Variants in PTPRG observed in about 807,000 individuals in gnomAD.
PTPRG encodes the protein receptor-type tyrosine-protein phosphatase gamma.
In PTPRG, 102 loss-of-function variants were observed where a neutral mutation model predicts 165.3. The ratio of observed to expected loss-of-function variants is 0.62; its 90% CI spans 0.53 to 0.73. PTPRG has a LOEUF of 0.73. PTPRG is among the 30% of genes least tolerant of loss of function. The pLI, the probability that PTPRG is intolerant of heterozygous loss-of-function variation, is 0.00. For missense variants in PTPRG, 1,866 were observed against 1,861.4 expected (o/e 1.00, Z -0.05); for synonymous variants, 675 against 669.5 (o/e 1.01, Z -0.13).
chr3:62,273,370 C>T lies in PTPRG; in HGVS notation c.3318+289C>T, dbSNP rs1401960895. On this transcript the variant is annotated intron_variant, in intron 22 of 29. Transcript: ENST00000474889. This position sits in a 1 kb window ranked among gnomAD's most constrained non-coding sequence, Gnocchi z 4.1. ...GGGGGAGTTAAACATGTTGTCTGGC[C>T]TGAGAAATACATAGGAGAGGATGGT... is the stretch of plus-strand genomic sequence containing the variant. 6.6e-6 allele frequency among the ~76,000 whole-genome samples: 1 copy of T among 152,124 alleles called. No homozygotes were observed. Among genetic ancestry groups the T allele is most frequent in the African/African-American group, 2.4e-5 (1 of 41,426 alleles).
intron 5 of PTPRG, among the ~76,000 whole-genome samples, chr3:62,119,053 C>G (rs2106882744): frequency 6.6e-6 from 1 of 152,294 alleles, no homozygotes; most frequent in Non-Finnish European, 1.5e-5. Flanking sequence ...ACGAAACAAA[C>G]TAAATAAAGT....
chr3:61,684,266 C>T (rs1335129490), intron 1 of PTPRG, among the ~76,000 whole-genome samples: 2 of 152,176 alleles, frequency 1.3e-5, no homozygotes, highest in Non-Finnish European at 2.9e-5. Context: ...TTTGTTTCCA[C>T]ATCAGTATGC....
chr3:62,063,162 A>G (rs1283001243), intron 4 of PTPRG, among the ~76,000 whole-genome samples: 1 of 152,228 alleles, frequency 6.6e-6, no homozygotes, highest in Non-Finnish European at 1.5e-5. Flanking sequence ...GCAGAGCTTG[A>G]ACTTGAACTT....
At chr3:61,756,995 G>C (rs2033655467) in intron 2 of PTPRG, among the ~76,000 whole-genome samples, 1 of 152,148 alleles carries the variant, frequency 6.6e-6, no homozygotes, top group African/African-American at 2.4e-5. Flanking sequence ...TTCTCTTTCT[G>C]AAACACGTGT....
intron 2 of PTPRG, among the ~76,000 whole-genome samples, chr3:61,842,796 A>G (rs1024956869): frequency 6.6e-6 from 1 of 152,172 alleles, no homozygotes; most frequent in Admixed American, 6.5e-5. Flanking sequence ...GGGATGGCAG[A>G]GCTACAAGAC....
chr3:61,997,501 T>C lies in PTPRG; in HGVS notation c.371-5848T>C, dbSNP rs1050455746. 1.6e-4 allele frequency among the ~76,000 whole-genome samples: 24 copies of C among 152,158 alleles called. 1 individual carries two copies. The highest frequency in any genetic ancestry group is 2.4e-4 in the Non-Finnish European group (16 of 68,030). On this transcript the variant is annotated intron_variant, in intron 3 of 29. Coordinates refer to ENST00000474889, the MANE Select transcript of PTPRG (RefSeq NM_002841.4). ...CACTACCACAGGGCCATTGATTCTT[T>C]CTTGATGTTCTCCCATCTTGTTGGC...
intron 2 of PTPRG, among the ~76,000 whole-genome samples, chr3:61,972,826 A>T (rs2040415045): frequency 6.9e-6 from 1 of 144,560 alleles, no homozygotes. Context: ...CTAATTTTTA[A>T]TTTTTTTTTT....
chr3:61,682,403 A>C (rs538767321), intron 1 of PTPRG, among the ~76,000 whole-genome samples: 1 of 152,226 alleles, frequency 6.6e-6, no homozygotes, highest in East Asian at 1.9e-4. Flanking sequence ...AGAGACTTAT[A>C]TAGCAGATGC....
chr3:62,251,947 G>C (rs764763825), intron 15 of PTPRG, among the ~76,000 whole-genome samples: 36 of 152,170 alleles, frequency 2.4e-4, no homozygotes, highest in Non-Finnish European at 5.1e-4. Context: ...ATTTAGCACA[G>C]TCCCTGGTAA....
At chr3:62,010,775 G>T (rs866950630) in intron 4 of PTPRG, among the ~76,000 whole-genome samples, 10 of 152,114 alleles carry the variant, frequency 6.6e-5, no homozygotes, top group South Asian at 4.1e-4. Flanking sequence ...TCATCAGAGG[G>T]GGTCTGAGAT....
At chr3:61,919,935 C>T (rs1366745978) in intron 2 of PTPRG, among the ~76,000 whole-genome samples, 1 of 152,148 alleles carries the variant, frequency 6.6e-6, no homozygotes, top group Non-Finnish European at 1.5e-5. Flanking sequence ...TCTTCTAATC[C>T]TATTGGTTAC....
intron 5 of PTPRG, among the ~76,000 whole-genome samples, chr3:62,092,982 G>A (rs919501743): frequency 2.6e-5 from 4 of 152,182 alleles, no homozygotes; most frequent in Non-Finnish European, 4.4e-5. Context: ...AGTGGGCCGA[G>A]AAAGTGTAAA....
At chr3:61,592,649 C>CTTTTT (rs373986933) in intron 1 of PTPRG, among the ~76,000 whole-genome samples, 1 of 132,874 alleles carries the variant, frequency 7.5e-6, no homozygotes, top group African/African-American at 3.2e-5. Flanking sequence ...TTCTTTCTTT[C>CTTTTT]TTTTTTTTTT....
intron 2 of PTPRG, chr3:61,749,354 T>C (rs1246444796): frequency 5.6e-6 from 2 of 355,176 alleles, no homozygotes; most frequent in Non-Finnish European, 1.1e-5. Flanking sequence ...AAATGTCTGC[T>C]AAACATTACA....
Position 62,003,470 on chromosome 3 carries a change from C to A in PTPRG, c.492C>A (p.Ser164Arg), listed in dbSNP as rs761849753. The change falls in exon 4 of 30, where the codon AGC (serine) becomes AGA (arginine). Residue 164 changes from serine (S) to arginine (R), a missense_variant. Ser to Arg is a moderately radical substitution (Grantham distance 110). Transcript: ENST00000474889. ...HSNGSAGSEH[S>R]INGRRFPVEM... is the part of the protein sequence containing the mutation. ...ATGGCTCAGCGGGCTCTGAACACAG[C>A]ATCAATGGCAGGAGGTTTCCTGTTG... 6.2e-7 allele frequency: 1 copy of A among 1,613,990 alleles called. No homozygotes were observed. Among genetic ancestry groups the A allele is most frequent in the Non-Finnish European group, 8.5e-7 (1 of 1,179,930 alleles).
chr3:62,140,452 T>G (rs1156449797), intron 6 of PTPRG, among the ~76,000 whole-genome samples: 1 of 152,178 alleles, frequency 6.6e-6, no homozygotes, highest in East Asian at 1.9e-4. Context: ...TATATAGATT[T>G]ACACAAAAGC....
chr3:61,913,991 A>G (rs2038869307), intron 2 of PTPRG, among the ~76,000 whole-genome samples: 1 of 152,168 alleles, frequency 6.6e-6, no homozygotes, highest in Non-Finnish European at 1.5e-5. Context: ...TCAGTGTTAT[A>G]ACAAAAGGAA....
At chr3:62,141,715 T>C (rs59177498) in intron 6 of PTPRG, among the ~76,000 whole-genome samples, 14,705 of 150,554 alleles carry the variant, frequency 0.098, 956 homozygotes, top group East Asian at 0.36. Context: ...GCCTGGCTAA[T>C]GTGGCAAAAC....
chr3:62,175,256 AT>A (rs953818212), intron 8 of PTPRG, among the ~76,000 whole-genome samples: 4 of 152,192 alleles, frequency 2.6e-5, no homozygotes, highest in African/African-American at 9.7e-5. Flanking sequence ...TATGTCAGAC[AT>A]TTTTTCTAGC....
Sources: gnomAD v4.1 joint callset for allele counts (sites outside exome capture counted in the v4.1 genomes callset) on GRCh38, gnomAD v4.1.1 for gene constraint, Gnocchi (gnomAD v3.1) non-coding constraint, MANE v1.5 for transcripts, NCBI Gene and HGNC (gene_info 2026-07-23, HGNC 2026-07-21) for gene names.